B4GALT3: variants seen among roughly 807,000 people sequenced by gnomAD.
B4GALT3 encodes beta-1,4-galactosyltransferase 3.
Under a neutral mutation model 40.7 loss-of-function variants are expected in B4GALT3, and 29 were observed. That is an observed-to-expected ratio of 0.71 (90% confidence interval 0.53 to 0.97). B4GALT3 has a LOEUF of 0.97. B4GALT3 is among the 50% of genes least tolerant of loss of function. The pLI, the probability that B4GALT3 is intolerant of heterozygous loss-of-function variation, is 0.00. For synonymous variants in B4GALT3, 182 were observed against 203.9 expected (o/e 0.89, Z 0.92); for missense variants, 390 against 522.3 (o/e 0.75, Z 2.47).
intron 4 of B4GALT3, 87 bp from the exon 5 acceptor site, chr1:161,174,136 G>A (rs1369793916): frequency 6.4e-6 from 9 of 1,414,942 alleles, no homozygotes; most frequent in East Asian, 2.3e-5. Context: ...GGCCGGGCGC[G>A]GTGGCTTACG....
Position 161,173,955 on chromosome 1 carries a change from T to A in B4GALT3, c.584A>T (p.Asp195Val). ...DEEWDCLFLH[D>V]VDLLPENDHN... ...GTCATTTTCTGGCAAGAGGTCCACA[T>A]CGTGCAAGAACAGGCAGTCCCACTC... is the stretch of plus-strand genomic sequence containing the variant. Residue 195 changes from aspartate (D) to valine (V), a missense_variant, in exon 5 of 8, where the codon GAT becomes GTT. Transcript: ENST00000319769. 6.2e-7 allele frequency: 1 copy of A among 1,614,160 alleles called. No individual in the cohort carries two copies. The highest frequency in any genetic ancestry group is 2.2e-5 in the East Asian group (1 of 44,896).
intron 3 of B4GALT3, among the ~76,000 whole-genome samples, chr1:161,175,604 C>G (rs937698765): frequency 1.3e-5 from 2 of 152,048 alleles, no homozygotes; most frequent in African/African-American, 4.8e-5. Flanking sequence ...AAAGTGGAAA[C>G]CCAATAGTCT....
At position 161,176,541 on chromosome 1, in the gene B4GALT3, A is replaced by C. The variant is rs1270124786; in HGVS notation, c.-122T>G. Reference sequence around the variant, plus strand: ...TGGAAATGTCACAGAGGGCAGAGAAAGGCTCCATCCAGCACTCCAGCAGCG... The same window carrying C: ...TGGAAATGTCACAGAGGGCAGAGAACGGCTCCATCCAGCACTCCAGCAGCG... On this transcript the variant is annotated 5_prime_UTR_variant, in exon 2 of 8. Coordinates refer to ENST00000319769, the MANE Select transcript of B4GALT3 (RefSeq NM_003779.4). 3 of 440,800 alleles carry C rather than the reference A, an allele frequency of 6.8e-6. No homozygotes were observed. In the Admixed American group the frequency reaches 1.2e-4, roughly 17 times the overall value. 27.3% of individuals were successfully genotyped at this position (440,800 alleles called of 1,614,324 possible).
chr1:161,172,378 G>A, intron 6 of B4GALT3, 47 bp from the exon 7 acceptor site: 2 of 1,518,504 alleles, frequency 1.3e-6, no homozygotes, highest in Non-Finnish European at 1.8e-6. Context: ...GTAGAGAAAA[G>A]CAAGGAAGGG....
Position 161,172,022 on chromosome 1 carries a change from A to C in B4GALT3, c.976T>G (p.Leu326Val). ...QDGMNSLTYQ[L>V]LARELGPLYT... ...AGAGGCCCCAGCTCTCGAGCCAGCA[A>C]CTGGTATGTCAGTGAGTTCATCCCA... Residue 326 changes from leucine (L) to valine (V), a missense_variant, in exon 8 of 8, where the codon TTG becomes GTG. By Grantham distance (32) the Leu-to-Val change is conservative (BLOSUM62 1). This residue lies in a region of B4GALT3 where 135 missense variants were observed against 227.8 expected (regional missense o/e 0.59). Coordinates refer to ENST00000319769, the MANE Select transcript of B4GALT3 (RefSeq NM_003779.4). 6.2e-7 allele frequency: 1 copy of C among 1,614,208 alleles called. No individual in the cohort carries two copies. The highest frequency in any genetic ancestry group is 8.5e-7 in the Non-Finnish European group (1 of 1,180,022).
Position 161,175,922 on chromosome 1 carries a change from C to T in B4GALT3, c.139G>A (p.Asp47Asn), listed in dbSNP as rs751634436. Residue 47 changes from aspartate to asparagine, a missense_variant, in exon 3 of 8, where the codon GAC (aspartate) becomes AAC (asparagine). Physicochemically the swap from Asp to Asn is conservative, Grantham distance 23 (BLOSUM62 1). Coordinates refer to ENST00000319769, the MANE Select transcript of B4GALT3 (RefSeq NM_003779.4). ...TAGACATCACGAGGGTGAGAATAGT[C>T]AAATGTCGGTCCCTGATCTCGGCCA... ...LFGRDQGPTF[D>N]YSHPRDVYSN... The T allele has an allele frequency of 1.2e-6, 2 of 1,614,134 alleles. No homozygotes were observed. The highest frequency in any genetic ancestry group is 1.1e-5 in the South Asian group (1 of 91,072).
intron 3 of B4GALT3, 41 bp downstream of exon 3, chr1:161,175,766 AC>A: frequency 6.2e-7 from 1 of 1,604,780 alleles, no homozygotes; most frequent in South Asian, 1.1e-5. Context: ...CTGTCTCCGC[AC>A]CTTGTCCTTC....
At chr1:161,175,732 A>T in intron 3 of B4GALT3, 76 bp downstream of exon 3, 1 of 1,569,656 alleles carries the variant, frequency 6.4e-7, no homozygotes, top group Non-Finnish European at 8.7e-7. Context: ...CTGCCACTCC[A>T]TGCCTCCCTA....
intron 3 of B4GALT3, 34 bp downstream of exon 3, chr1:161,175,774 C>G (rs1663276543): frequency 1.2e-6 from 2 of 1,606,554 alleles, no homozygotes; most frequent in Non-Finnish European, 1.7e-6. Context: ...GCACCTTGTC[C>G]TTCCTTTCAC....
chr1:161,174,904 A>C, intron 4 of B4GALT3, 89 bp downstream of exon 4: 1 of 1,367,086 alleles, frequency 7.3e-7, no homozygotes, highest in Non-Finnish European at 1.0e-6. Context: ...AAATTATTCT[A>C]GGGACCCATT....
At chr1:161,174,078 A>G in intron 4 of B4GALT3, 29 bp from the exon 5 acceptor site, 4 of 1,606,458 alleles carry the variant, frequency 2.5e-6, no homozygotes, top group South Asian at 2.2e-5. Flanking sequence ...GAACCAGACT[A>G]TGTCTGTAGG....
intron 3 of B4GALT3, 77 bp from the exon 4 acceptor site, chr1:161,175,305 C>CT (rs1296360099): frequency 7.8e-7 from 1 of 1,280,336 alleles, no homozygotes. Context: ...GGGAATACCT[C>CT]TGACACTGGC....
At chr1:161,172,360 G>C (rs1232644949) in intron 6 of B4GALT3, 29 bp from the exon 7 acceptor site, 1 of 1,582,788 alleles carries the variant, frequency 6.3e-7, no homozygotes, top group Admixed American at 1.7e-5. Context: ...TATCATGGGG[G>C]ATCCAGAGTA....
At chr1:161,177,261 C>A in intron 1 of B4GALT3, 162 bp downstream of exon 1, 1 of 615,768 alleles carries the variant, frequency 1.6e-6, no homozygotes, top group Non-Finnish European at 2.8e-6. Flanking sequence ...TTTTGCCCTA[C>A]CTACTAGCAA....
intron 1 of B4GALT3, 195 bp from the exon 2 acceptor site, chr1:161,176,774 C>T: frequency 1.5e-6 from 2 of 1,322,906 alleles, no homozygotes; most frequent in Non-Finnish European, 2.1e-6. Context: ...CTTAACCACC[C>T]CCGTACCCCC....
At chr1:161,174,217 C>A (rs1438873800) in intron 4 of B4GALT3, among the ~76,000 whole-genome samples, 168 bp from the exon 5 acceptor site, 4 of 152,078 alleles carry the variant, frequency 2.6e-5, no homozygotes, top group African/African-American at 9.7e-5. Flanking sequence ...ACCACCCTGG[C>A]TAACACGGTA....
rs1662343248 is a variant in B4GALT3 at position 161,173,705 on chromosome 1, C to T, written c.703G>A (p.Gly235Arg). The T allele has an allele frequency of 2.5e-6, 4 of 1,614,120 alleles. No individual in the cohort carries two copies. Among genetic ancestry groups the T allele is most frequent in the Non-Finnish European group, 3.4e-6 (4 of 1,180,018 alleles). ...GYSLPYPQYF[G>R]GVSALTPDQY... ...TCAGGAGTAAGTGCTGAGACTCCTCCGAAGTACTGGGGGTACGGGAGGCTA... is the reference window on the plus strand; with the variant it reads ...TCAGGAGTAAGTGCTGAGACTCCTCTGAAGTACTGGGGGTACGGGAGGCTA... The change falls in exon 6 of 8, where the codon GGA becomes AGA. Residue 235 changes from glycine (G) to arginine (R), a missense_variant. Physicochemically the swap from Gly to Arg is moderately radical, Grantham distance 125 (BLOSUM62 -2). Coordinates refer to ENST00000319769, the MANE Select transcript of B4GALT3 (RefSeq NM_003779.4).
At position 161,171,360 on chromosome 1, in the gene B4GALT3, A is replaced by C; in HGVS notation, c.*456T>G. ...AATATATCAAAATCCCAGCCCCCTG[A>C]GCCAGGACCAGAAGAGGGAGCTATT... On this transcript the variant is annotated 3_prime_UTR_variant, in exon 8 of 8. Coordinates refer to ENST00000319769, the MANE Select transcript of B4GALT3 (RefSeq NM_003779.4). 1.1e-5 allele frequency: 12 copies of C among 1,059,584 alleles called. No individual in the cohort carries two copies. Among genetic ancestry groups the C allele is most frequent in the Non-Finnish European group, 1.6e-5 (12 of 729,932 alleles). 65.6% of individuals were successfully genotyped at this position (1,059,584 alleles called of 1,614,324 possible). A position where few individuals can be genotyped will look rare whatever the true frequency, so the allele number is the denominator to read the frequency against.
rs1256924996 is a variant in B4GALT3, at chr1:161,173,869, A to C, written c.670T>G (p.Phe224Val). The change falls in exon 5 of 8, where the codon TTT becomes GTT. Residue 224 changes from phenylalanine (F) to valine (V), a missense_variant. Around this residue, in one of 3 missense-constraint regions of B4GALT3, gnomAD observed 135 missense variants for 227.8 expected, o/e 0.59. Transcript: ENST00000319769. ...PRHVAVAMNKFGYSLPYPQYF... is the reference protein window; with the variant it reads ...PRHVAVAMNKVGYSLPYPQYF... The stretch of plus-strand genomic sequence containing the variant: ...TTCCATGCCCTCTACCTGTATCCAA[A>C]CTTGTTCATAGCAACGGCAACATGG... 1 of 1,613,576 alleles carries C rather than the reference A, an allele frequency of 6.2e-7. No homozygotes were observed. The highest frequency in any genetic ancestry group is 8.5e-7 in the Non-Finnish European group (1 of 1,179,822).
Sources: gnomAD v4.1 joint callset for allele counts (sites outside exome capture counted in the v4.1 genomes callset) on GRCh38, gnomAD v4.1.1 for gene constraint, gnomAD v4.1.1 regional missense constraint, MANE v1.5 for transcripts, NCBI Gene and HGNC (gene_info 2026-07-23, HGNC 2026-07-21) for gene names.